SGCD: variants seen among roughly 807,000 people sequenced by gnomAD.
The protein encoded by SGCD is delta-sarcoglycan.
Under a neutral mutation model 36.6 loss-of-function variants are expected in SGCD, and 18 were observed. That is an observed-to-expected ratio of 0.49 (90% CI 0.34 to 0.73). The LOEUF (loss-of-function observed/expected upper bound fraction) is 0.73. Ranked by LOEUF, SGCD falls within the 30% of genes least tolerant of loss-of-function variation. The pLI, the probability that SGCD is intolerant of heterozygous loss-of-function variation, is 0.01. For synonymous variants in SGCD, 133 were observed against 130.6 expected (o/e 1.02, Z -0.12); for missense variants, 387 against 346.7 (o/e 1.12, Z -0.92).
At chr5:156,603,386 G>C (rs937243155) in intron 6 of SGCD, among the ~76,000 whole-genome samples, 1 of 151,748 alleles carries the variant, frequency 6.6e-6, no homozygotes, top group Non-Finnish European at 1.5e-5. Context: ...AAACAACTTT[G>C]TTTCATTGAT....
chr5:156,646,927 G>T (rs927762041), intron 6 of SGCD, among the ~76,000 whole-genome samples: 2 of 152,156 alleles, frequency 1.3e-5, no homozygotes, highest in African/African-American at 4.8e-5. Context: ...AACTTCAAAT[G>T]ATCTCTTATA....
intron 3 of SGCD, among the ~76,000 whole-genome samples, chr5:156,184,049 T>C (rs928080417): frequency 5.9e-5 from 9 of 152,226 alleles, no homozygotes; most frequent in African/African-American, 2.2e-4. Flanking sequence ...TAGTTTAGCC[T>C]AGCCTACTGT....
At chr5:156,621,100 A>G (rs1052324583) in intron 6 of SGCD, among the ~76,000 whole-genome samples, 2 of 152,174 alleles carry the variant, frequency 1.3e-5, no homozygotes, top group African/African-American at 2.4e-5. Context: ...ACAAATACTA[A>G]TTGAGTTTTT....
At chr5:155,932,925 T>C in intron 1 of SGCD, among the ~76,000 whole-genome samples, 2 of 152,176 alleles carry the variant, frequency 1.3e-5, no homozygotes, top group Non-Finnish European at 2.9e-5. Flanking sequence ...TCATCCATCA[T>C]ATTCTTTATC....
intron 3 of SGCD, among the ~76,000 whole-genome samples, chr5:156,484,509 C>T (rs189167301): frequency 1.3e-4 from 20 of 152,188 alleles, no homozygotes; most frequent in East Asian, 3.9e-4. Flanking sequence ...TTTATAAATT[C>T]GAAGTTAAGG....
chr5:155,779,188 C>T, the SGCD span, among the ~76,000 whole-genome samples: 1 of 152,174 alleles, frequency 6.6e-6, no homozygotes, highest in Non-Finnish European at 1.5e-5. Flanking sequence ...CACGTGCAGA[C>T]TCCACTTTGG....
At chr5:155,945,392 G>C (rs1757419049) in intron 1 of SGCD, among the ~76,000 whole-genome samples, 2 of 152,142 alleles carry the variant, frequency 1.3e-5, no homozygotes. Context: ...TAGTTACTGG[G>C]AAAACAGTGG....
chr5:156,499,247 G>A (rs1017145485), intron 3 of SGCD, among the ~76,000 whole-genome samples: 2 of 152,100 alleles, frequency 1.3e-5, no homozygotes, highest in Admixed American at 6.6e-5. Flanking sequence ...TTTGTCTAAC[G>A]CGTATGGAAA....
At chr5:156,419,717 A>G (rs1561683129) in intron 3 of SGCD, among the ~76,000 whole-genome samples, 1 of 152,146 alleles carries the variant, frequency 6.6e-6, no homozygotes, top group Non-Finnish European at 1.5e-5. Flanking sequence ...GCAAGAGAAA[A>G]TAGACTGCCT....
chr5:156,206,730 T>C (rs558408021), intron 3 of SGCD, among the ~76,000 whole-genome samples: 1 of 152,218 alleles, frequency 6.6e-6, no homozygotes, highest in African/African-American at 2.4e-5. Flanking sequence ...TGAATAATTT[T>C]TTTTTTCATT....
At chr5:156,725,398 G>A (rs959250127) in intron 7 of SGCD, among the ~76,000 whole-genome samples, 1 of 152,220 alleles carries the variant, frequency 6.6e-6, no homozygotes, top group Non-Finnish European at 1.5e-5. Flanking sequence ...TCTGAGTAAA[G>A]CTGTGTTAGC....
At chr5:156,324,508 A>G (rs1439966765), upstream of SGCD, among the ~76,000 whole-genome samples, 1 of 152,210 alleles carries the variant, frequency 6.6e-6, no homozygotes, top group African/African-American at 2.4e-5. Flanking sequence ...TAACATTAGA[A>G]GAATTAAGTA....
chr5:156,602,134 T>C (rs1052799213), intron 6 of SGCD, among the ~76,000 whole-genome samples: 12 of 151,772 alleles, frequency 7.9e-5, no homozygotes, highest in Non-Finnish European at 1.6e-4. Flanking sequence ...ATCAATGTTG[T>C]ATAGTTTTCA....
At chr5:156,580,652 C>T (rs1036512533) in intron 4 of SGCD, among the ~76,000 whole-genome samples, 6 of 152,138 alleles carry the variant, frequency 3.9e-5, no homozygotes, top group Admixed American at 3.3e-4. Context: ...TTAATTTGAT[C>T]TTCAATCACT....
chr5:156,278,628 G>A (rs1026349112), intron 3 of SGCD, among the ~76,000 whole-genome samples: 2 of 152,198 alleles, frequency 1.3e-5, no homozygotes, highest in Non-Finnish European at 2.9e-5. Context: ...TCATAAAGCA[G>A]TCATTTTGAG....
chr5:156,405,300 C>T (rs1039294628), intron 3 of SGCD, among the ~76,000 whole-genome samples: 1 of 152,156 alleles, frequency 6.6e-6, no homozygotes, highest in Non-Finnish European at 1.5e-5. Flanking sequence ...CAAATAAATG[C>T]CACTAAACAT....
chr5:156,098,284 T>C (rs903033535), intron 1 of SGCD, among the ~76,000 whole-genome samples: 6 of 152,306 alleles, frequency 3.9e-5, no homozygotes, highest in Admixed American at 3.3e-4. Context: ...TGTCCAAATG[T>C]CTTTCTTCAG....
intron 4 of SGCD, among the ~76,000 whole-genome samples, chr5:156,557,620 G>A (rs373627649): frequency 3.3e-5 from 5 of 152,044 alleles, no homozygotes; most frequent in African/African-American, 1.2e-4. Flanking sequence ...CACCTATACT[G>A]GAAGATTATT....
chr5:156,678,506 G>T (rs1417541971), intron 7 of SGCD, among the ~76,000 whole-genome samples: 1 of 152,174 alleles, frequency 6.6e-6, no homozygotes, highest in African/African-American at 2.4e-5. Context: ...ACAGCAAACT[G>T]CAGGGTGCTC....
Sources: gnomAD v4.1 joint callset for allele counts (sites outside exome capture counted in the v4.1 genomes callset) on GRCh38, gnomAD v4.1.1 for gene constraint, MANE v1.5 for transcripts, NCBI Gene and HGNC (gene_info 2026-07-23, HGNC 2026-07-21) for gene names.